The following RGS9 variants were observed in gnomAD, a reference collection of about 807,000 sequenced individuals.
RGS9 encodes regulator of G-protein signalling 9.
In RGS9, 78 loss-of-function variants were observed where a neutral mutation model predicts 102.0. The observed-to-expected ratio is 0.76, with a 90% confidence interval of 0.64 to 0.92. The LOEUF (loss-of-function observed/expected upper bound fraction) is 0.92, where lower values mean the gene tolerates loss of function less well. RGS9 is among the 40% of genes least tolerant of loss of function. The pLI, the probability that RGS9 is intolerant of heterozygous loss-of-function variation, is 0.00. For missense variants in RGS9, 833 were observed against 866.1 expected, an observed-to-expected ratio of 0.96 and a Z score of 0.48; for synonymous variants, 353 against 318.6, an observed-to-expected ratio of 1.11 and a Z score of -1.15.
intron 17 of RGS9, among the ~76,000 whole-genome samples, chr17:65,222,172 G>A (rs931549896): frequency 2.0e-5 from 3 of 152,204 alleles, no homozygotes; most frequent in Non-Finnish European, 2.9e-5. Context: ...CAGCAGCTGG[G>A]GGCCACCTGC....
rs745987112 is a variant in RGS9, at chr17:65,207,914, C to T, written c.1204-8C>T. ...TCATAATTACTGTTGTTTTCTTGTT[C>T]CCACTAGGATTCTTATGCTCGCTAT... On this transcript the variant is annotated splice_region_variant and splice_polypyrimidine_tract_variant and intron_variant, in intron 15 of 18. Coordinates refer to ENST00000262406, the MANE Select transcript of RGS9 (RefSeq NM_003835.4). The T allele has an allele frequency of 1.3e-6, 2 of 1,599,216 alleles. No individual in the cohort carries two copies. Among genetic ancestry groups the T allele is most frequent in the African/African-American group, 2.7e-5 (2 of 74,492 alleles).
intron 16 of RGS9, among the ~76,000 whole-genome samples, chr17:65,208,728 C>A (rs867415082): frequency 1.3e-5 from 2 of 152,134 alleles, no homozygotes; most frequent in African/African-American, 2.4e-5. Context: ...CCTGTCCCCC[C>A]CAAAGTGAGT....
At chr17:65,155,680 A>G (rs577699888) in intron 2 of RGS9, among the ~76,000 whole-genome samples, 41 of 152,054 alleles carry the variant, frequency 2.7e-4, no homozygotes, top group Admixed American at 7.2e-4. Context: ...TGCTGGGATT[A>G]CCAGCTTGAG....
chr17:65,168,391 T>C, intron 8 of RGS9, 110 bp downstream of exon 8: 2 of 775,844 alleles, frequency 2.6e-6, no homozygotes, highest in Non-Finnish European at 4.5e-6. Context: ...GAGAATTGGA[T>C]CAGCAGGAGG....
At chr17:65,168,612 T>C (rs1911291813) in intron 8 of RGS9, among the ~76,000 whole-genome samples, 1 of 148,682 alleles carries the variant, frequency 6.7e-6, no homozygotes, top group Admixed American at 6.8e-5. Context: ...GAGAAAAAAT[T>C]AGAACGTAGG....
intron 1 of RGS9, among the ~76,000 whole-genome samples, chr17:65,147,940 A>G (rs989646157): frequency 1.3e-5 from 2 of 152,142 alleles, no homozygotes; most frequent in Admixed American, 1.3e-4. Flanking sequence ...CTCACACGAG[A>G]TCTACCCTTT....
intron 17 of RGS9, among the ~76,000 whole-genome samples, chr17:65,222,868 T>C (rs1053961898): frequency 1.3e-5 from 2 of 152,178 alleles, no homozygotes; most frequent in African/African-American, 2.4e-5. Context: ...GGCCAGGTTC[T>C]GCCTTTGTAC....
At position 65,215,493 on chromosome 17, in the gene RGS9, T is replaced by G. The variant is rs55859836; in HGVS notation, c.1407+4888T>G. ...TTCTTTCTCTATCTTTCTTTCGTTCTTTCGTTCTTTCTTTCTTTCTTTCTT... is the reference window on the plus strand; with the variant it reads ...TTCTTTCTCTATCTTTCTTTCGTTCGTTCGTTCTTTCTTTCTTTCTTTCTT... On this transcript the variant is annotated intron_variant, in intron 17 of 18. Transcript: ENST00000262406. Among the ~76,000 whole-genome samples the G allele has an allele frequency of 2.4e-3, 283 of 115,676 alleles. 5 individuals are homozygous for G. The highest frequency in any genetic ancestry group is 0.011 in the African/African-American group (247 of 23,110). 75.9% of individuals were successfully genotyped at this position (115,676 alleles called of 152,430 possible).
chr17:65,183,061 A>AATCTATCTATCTATCTATCT (rs68149271), intron 9 of RGS9, among the ~76,000 whole-genome samples: 7 of 114,408 alleles, frequency 6.1e-5, no homozygotes, highest in South Asian at 4.9e-4. Context: ...AATTTTTTTA[A>AATCTATCTATCTATCTATCT]ATCTATCTAT....
intron 17 of RGS9, among the ~76,000 whole-genome samples, chr17:65,213,908 G>A (rs938536200): frequency 1.3e-5 from 2 of 152,062 alleles, no homozygotes; most frequent in Non-Finnish European, 2.9e-5. Context: ...AATATAAATG[G>A]CTTCATGGCT....
At chr17:65,150,166 C>A (rs558478207) in intron 1 of RGS9, among the ~76,000 whole-genome samples, 1 of 152,310 alleles carries the variant, frequency 6.6e-6, no homozygotes, top group African/African-American at 2.4e-5. Flanking sequence ...CAGCCCAGAC[C>A]TCAGGAGAGA....
intron 5 of RGS9, 75 bp downstream of exon 5, chr17:65,160,662 C>A: frequency 6.5e-7 from 1 of 1,537,226 alleles, no homozygotes; most frequent in Non-Finnish European, 9.0e-7. Context: ...ACTTTGGTGA[C>A]ATTTGTCTTG....
At chr17:65,222,464 C>T (rs1054413369) in intron 17 of RGS9, among the ~76,000 whole-genome samples, 1 of 152,236 alleles carries the variant, frequency 6.6e-6, no homozygotes, top group East Asian at 1.9e-4. Flanking sequence ...GCCACAGTCA[C>T]TGTGATTCTA....
intron 18 of RGS9, 165 bp downstream of exon 18, chr17:65,225,651 G>C: frequency 8.5e-6 from 8 of 941,988 alleles, no homozygotes; most frequent in African/African-American, 3.2e-5. Context: ...CAGAAACTCA[G>C]TTTTGTCCTC....
intron 9 of RGS9, 170 bp from the exon 10 acceptor site, chr17:65,189,116 G>A (rs887974076): frequency 9.4e-6 from 6 of 635,974 alleles, no homozygotes; most frequent in African/African-American, 3.7e-5. Flanking sequence ...TATTCCCCAG[G>A]GGTTACATAG....
At position 65,160,228 on chromosome 17, in the gene RGS9, C is replaced by T. The variant is rs543305374; in HGVS notation, c.206-5C>T. 3.7e-6 allele frequency: 6 copies of T among 1,610,440 alleles called. No homozygotes were observed. In the South Asian group the frequency reaches 4.4e-5, roughly 12 times the overall value. On this transcript the variant is annotated splice_region_variant and splice_polypyrimidine_tract_variant and intron_variant, in intron 3 of 18. Transcript: ENST00000262406. ...TAACATCCATGTCTGAACTGCTTTT[C>T]CCAGAGGCACAGAACTTGGGCAACT...
At position 65,210,573 on chromosome 17, in the gene RGS9, C is replaced by A; in HGVS notation, c.1375C>A (p.Arg459=). The A allele has an allele frequency of 1.2e-6, 2 of 1,614,060 alleles. No homozygotes were observed. Residue 459 remains arginine (R), a synonymous_variant, in exon 17 of 19, where the codon CGA becomes AGA. Coordinates refer to ENST00000262406, the MANE Select transcript of RGS9 (RefSeq NM_003835.4). ...ACAGCTGGAAGAGGAAGCCAAGGCC[C>A]GAGAAGCAGCCAACACTGTGGACAT... ...LRQLEEEAKA[R]EAANTVDITQ... is the part of the protein sequence containing the mutation.
intron 14 of RGS9, among the ~76,000 whole-genome samples, chr17:65,202,699 A>G (rs1912904368): frequency 6.6e-6 from 1 of 152,026 alleles, no homozygotes; most frequent in Non-Finnish European, 1.5e-5. Flanking sequence ...CCTCCAAATT[A>G]CACAAAAGCC....
In RGS9 at chr17:65,158,218, A is replaced by C. The variant is rs1167859790; in HGVS notation, c.155-77A>C. ...ATCGCAGCTGAACGGGAAGGAGACC[A>C]GTCAGGCAACAGCGTGGAGGAGCGG... On this transcript the variant is annotated intron_variant, in intron 2 of 18. Coordinates refer to ENST00000262406, the MANE Select transcript of RGS9 (RefSeq NM_003835.4). The C allele has an allele frequency of 3.7e-6, 5 of 1,354,564 alleles. No individual in the cohort carries two copies. In the East Asian group the frequency reaches 1.1e-4, roughly 31 times the overall value. 83.9% of individuals were successfully genotyped at this position (1,354,564 alleles called of 1,614,324 possible). A position where few individuals can be genotyped will look rare whatever the true frequency, so the allele number is the denominator to read the frequency against.
Sources: allele counts gnomAD v4.1 joint callset (sites outside exome capture counted in the v4.1 genomes callset), GRCh38; gene constraint gnomAD v4.1.1; transcripts MANE v1.5; gene names NCBI Gene and HGNC (gene_info 2026-07-23, HGNC 2026-07-21).